The following FLACC1 variants were observed in gnomAD, a reference collection of about 807,000 sequenced individuals.
FLACC1 encodes the protein flagellum associated containing coiled-coil domains 1.
Under a neutral mutation model 62.8 loss-of-function variants are expected in FLACC1, and 66 were observed. The observed-to-expected ratio is 1.05, with a 90% CI of 0.86 to 1.29. The LOEUF (loss-of-function observed/expected upper bound fraction) is 1.29. FLACC1 is among the 50% of genes most tolerant of loss of function. The pLI, the probability that FLACC1 is intolerant of heterozygous loss-of-function variation, is 0.00. For synonymous variants in FLACC1, 156 were observed against 161.0 expected (o/e 0.97, Z 0.24); for missense variants, 452 against 489.1 (o/e 0.92, Z 0.71).
chr2:201,358,277 G>A (rs1221178007), upstream of FLACC1, among the ~76,000 whole-genome samples: 1 of 152,016 alleles, frequency 6.6e-6, no homozygotes, highest in African/African-American at 2.4e-5. Context: ...CCCAGGCTGC[G>A]GTGCAGTGGC....
chr2:201,351,513 G>T, intron 1 of FLACC1, 62 bp from the exon 2 acceptor site: 1 of 788,788 alleles, frequency 1.3e-6, no homozygotes. Flanking sequence ...AAATACAGAA[G>T]AATTGGGAAG....
At chr2:201,342,298 CT>C in intron 7 of FLACC1, 71 bp downstream of exon 7, 5 of 1,524,860 alleles carry the variant, frequency 3.3e-6, no homozygotes, top group Non-Finnish European at 4.5e-6. Flanking sequence ...TCCCAGTGAA[CT>C]AAAATCCTGC....
chr2:201,311,311 C>T (rs570939705), intron 9 of FLACC1, among the ~76,000 whole-genome samples: 1 of 152,164 alleles, frequency 6.6e-6, no homozygotes, highest in Admixed American at 6.5e-5. Context: ...TGGCATTATC[C>T]TTATACCAAA....
rs375679916 is a variant in FLACC1, at chr2:201,330,830, C to T, written c.528G>A (p.Glu176=). The T allele has an allele frequency of 1.4e-5, 22 of 1,612,562 alleles. No individual in the cohort carries two copies. The highest frequency in any genetic ancestry group is 1.9e-5 in the Non-Finnish European group (22 of 1,179,882). ...GTTCTGCTTCATGGGCCTCTTTGAG[C>T]TCCCTGTGGGACCCCAGGAGAAGGC... is the stretch of plus-strand genomic sequence containing the variant. ...MKQNFENKNR[E]LKEAHEAELS... The change falls in exon 8 of 15, where the codon GAG becomes GAA. Residue 176 remains glutamate, a synonymous_variant. Transcript: ENST00000392257.
chr2:201,308,370 G>A (rs1245745292), intron 10 of FLACC1, among the ~76,000 whole-genome samples: 4 of 152,152 alleles, frequency 2.6e-5, no homozygotes, highest in Admixed American at 6.6e-5. Flanking sequence ...CCTTAACTCC[G>A]GGGTCTTCAT....
At chr2:201,359,537 T>C (rs1034723142), upstream of FLACC1, among the ~76,000 whole-genome samples, 6 of 152,162 alleles carry the variant, frequency 3.9e-5, no homozygotes, top group Admixed American at 3.9e-4. Context: ...GTGTGGGCCA[T>C]GTGTAGTTAA....
chr2:201,322,002 C>T (rs768404641), intron 9 of FLACC1, among the ~76,000 whole-genome samples: 28 of 152,192 alleles, frequency 1.8e-4, no homozygotes, highest in Non-Finnish European at 3.8e-4. Flanking sequence ...GGTGCAGTGG[C>T]TCATGCCTGT....
intron 12 of FLACC1, among the ~76,000 whole-genome samples, chr2:201,291,417 G>A (rs1432464462): frequency 1.3e-5 from 2 of 152,190 alleles, no homozygotes; most frequent in Admixed American, 6.5e-5. Flanking sequence ...GGCAAACAGG[G>A]TCTAGAGTGG....
upstream of FLACC1, among the ~76,000 whole-genome samples, chr2:201,361,884 G>T (rs375076501): frequency 2.3e-4 from 35 of 152,134 alleles, no homozygotes; most frequent in East Asian, 6.2e-3. Flanking sequence ...CACCTTCGGG[G>T]TGCTTTCTTC....
At chr2:201,350,508 G>A (rs913572139) in intron 3 of FLACC1, among the ~76,000 whole-genome samples, 2 of 152,020 alleles carry the variant, frequency 1.3e-5, no homozygotes, top group East Asian at 1.9e-4. Context: ...GTGAAACCCC[G>A]TCTCTACTAA....
chr2:201,342,443 A>C lies in FLACC1; in HGVS notation c.463-12T>G, dbSNP rs202247626. On this transcript the variant is annotated splice_polypyrimidine_tract_variant and intron_variant, in intron 6 of 14. Coordinates refer to ENST00000392257, the MANE Select transcript of FLACC1 (RefSeq NM_001127391.3). ...ATTTCACTGGAGAGCTGGAAACAAAATCAGCATCTACAACACAGGACTGAG... is the reference window on the plus strand; with the variant it reads ...ATTTCACTGGAGAGCTGGAAACAAACTCAGCATCTACAACACAGGACTGAG... The C allele has an allele frequency of 5.6e-6, 9 of 1,614,040 alleles. No individual in the cohort carries two copies. Among genetic ancestry groups the C allele is most frequent in the Non-Finnish European group, 5.9e-6 (7 of 1,179,990 alleles).
chr2:201,345,138 A>G (rs1950886284), intron 5 of FLACC1, among the ~76,000 whole-genome samples: 1 of 152,252 alleles, frequency 6.6e-6, no homozygotes, highest in South Asian at 2.1e-4. Flanking sequence ...TGTGAGGCCA[A>G]GAGGTGGCTG....
chr2:201,296,767 A>T (rs1178031156), intron 12 of FLACC1, among the ~76,000 whole-genome samples: 1 of 152,182 alleles, frequency 6.6e-6, no homozygotes, highest in African/African-American at 2.4e-5. Flanking sequence ...AAATACAGGG[A>T]AGTCTGGTGG....
In FLACC1 at chr2:201,288,502, C is replaced by A. The variant is rs700635; in HGVS notation, c.*153G>T. On this transcript the variant is annotated 3_prime_UTR_variant, in exon 15 of 15. Transcript: ENST00000392257. ...CGTGATAAGCTGTGAAATTCAGATG[C>A]GAATTCAAACATTTTCAGACATTCA... 642,768 of 891,274 alleles carry A rather than the reference C, an allele frequency of 0.72. 233,103 individuals are homozygous for A. Among genetic ancestry groups the A allele is most frequent in the South Asian group, 0.82 (37,036 of 44,910 alleles). 55.2% of individuals were successfully genotyped at this position (891,274 alleles called of 1,614,324 possible).
At position 201,288,593 on chromosome 2, in the gene FLACC1, GT is replaced by G; in HGVS notation, c.*61del. On this transcript the variant is annotated 3_prime_UTR_variant, in exon 15 of 15. Coordinates refer to ENST00000392257, the MANE Select transcript of FLACC1 (RefSeq NM_001127391.3). ...TTTTCTCAAGAAAACCCTCCCAGGAGTTTCCTGGGCCTACAGAAATGGTGTG... is the reference window on the plus strand; with the variant it reads ...TTTTCTCAAGAAAACCCTCCCAGGAGTTCCTGGGCCTACAGAAATGGTGTG... 1 of 1,576,046 alleles carries G rather than the reference GT, an allele frequency of 6.3e-7. No individual in the cohort carries two copies. Among genetic ancestry groups the G allele is most frequent in the Non-Finnish European group, 8.6e-7 (1 of 1,159,116 alleles).
At position 201,311,700 on chromosome 2, in the gene FLACC1, C is replaced by CAAA. The variant is rs34119306; in HGVS notation, c.676-2453_676-2451dup. Among the ~76,000 whole-genome samples, 150 of 113,294 alleles carry CAAA rather than the reference C, an allele frequency of 1.3e-3. 2 individuals are homozygous for CAAA. Among genetic ancestry groups the CAAA allele is most frequent in the African/African-American group, 3.7e-3 (110 of 29,950 alleles). The allele number at this position is 113,294 out of a possible 152,430, so 74.3% of individuals were successfully genotyped here. ...CAGGTGACAGAATGAGACACTGACT[C>CAAA]AAAAAAAAAAAAAAAAAAGTTAATT... On this transcript the variant is annotated intron_variant, in intron 9 of 14. Coordinates refer to ENST00000392257, the MANE Select transcript of FLACC1 (RefSeq NM_001127391.3).
intron 11 of FLACC1, among the ~76,000 whole-genome samples, chr2:201,304,187 A>G (rs1415238238): frequency 6.6e-6 from 1 of 152,184 alleles, no homozygotes; most frequent in African/African-American, 2.4e-5. Flanking sequence ...AAACCCCATC[A>G]TCTCTGCCCA....
chr2:201,335,693 G>A (rs1950681128), intron 7 of FLACC1, among the ~76,000 whole-genome samples: 1 of 151,982 alleles, frequency 6.6e-6, no homozygotes, highest in Non-Finnish European at 1.5e-5. Flanking sequence ...AAGATTATTT[G>A]TTCTATTTTT....
chr2:201,309,701 G>A (rs536924068), intron 9 of FLACC1, among the ~76,000 whole-genome samples: 12 of 151,854 alleles, frequency 7.9e-5, no homozygotes, highest in African/African-American at 2.4e-4. Context: ...AAGGTCAAGA[G>A]GTCAAGACCA....
Sources: allele counts gnomAD v4.1 joint callset (sites outside exome capture counted in the v4.1 genomes callset), GRCh38; gene constraint gnomAD v4.1.1; transcripts MANE v1.5; gene names NCBI Gene and HGNC (gene_info 2026-07-23, HGNC 2026-07-21).